Variants in VEGFC observed in about 807,000 individuals in gnomAD.
VEGFC encodes the protein FLT4 ligand DHM.
A neutral mutation model predicts 46.1 loss-of-function variants in VEGFC; 12 were observed. That is an observed-to-expected ratio of 0.26 (90% confidence interval 0.17 to 0.42). The LOEUF (loss-of-function observed/expected upper bound fraction) is 0.42. Among genes scored for constraint, VEGFC ranks in the 10% least tolerant of loss-of-function variants. The pLI is 1.00. For missense variants in VEGFC, 488 were observed against 529.4 expected, an observed-to-expected ratio of 0.92 and a Z score of 0.77; for synonymous variants, 232 against 195.5, an observed-to-expected ratio of 1.19 and a Z score of -1.56.
chr4:176,727,470 AAC>A (rs921678793), intron 3 of VEGFC, among the ~76,000 whole-genome samples: 2 of 152,100 alleles, frequency 1.3e-5, no homozygotes, highest in African/African-American at 2.4e-5. Context: ...CTTGAAGATC[AAC>A]ACACACACAT....
At chr4:176,770,128 A>T (rs1735698205) in intron 1 of VEGFC, among the ~76,000 whole-genome samples, 1 of 152,228 alleles carries the variant, frequency 6.6e-6, no homozygotes, top group South Asian at 2.1e-4. Context: ...TTGATTAAAT[A>T]TTTAAGCTTC....
chr4:176,759,605 C>CA (rs1735493001), intron 1 of VEGFC, among the ~76,000 whole-genome samples: 2 of 151,844 alleles, frequency 1.3e-5, no homozygotes, highest in Admixed American at 6.6e-5. Flanking sequence ...ATTCTCATCA[C>CA]AAAAAATGAT....
At chr4:176,765,141 C>T (rs576183639) in intron 1 of VEGFC, among the ~76,000 whole-genome samples, 2 of 151,632 alleles carry the variant, frequency 1.3e-5, no homozygotes, top group South Asian at 4.2e-4. Flanking sequence ...ATTTATTTTA[C>T]AAAACAGAAA....
Position 176,711,593 on chromosome 4 carries a change from C to A in VEGFC, c.610G>T (p.Ala204Ser), listed in dbSNP as rs748640295. The A allele has an allele frequency of 6.2e-7, 1 of 1,613,580 alleles. No individual in the cohort carries two copies. The highest frequency in any genetic ancestry group is 1.1e-5 in the South Asian group (1 of 91,036). Residue 204 changes from alanine to serine, a missense_variant, in exon 4 of 7, where the codon GCC becomes TCC. Transcript: ENST00000618562. ...ATGCATCGGCAGGAAGTGTGATTGG[C>A]AAAACTGATTGTTACTGGTTTGGGG... ...QGPKPVTISF[A>S]NHTSCRCMSK...
chr4:176,785,048 G>A (rs1735978911), intron 1 of VEGFC, among the ~76,000 whole-genome samples: 1 of 151,956 alleles, frequency 6.6e-6, no homozygotes, highest in South Asian at 2.1e-4. Context: ...AGAAATATTG[G>A]CAGTGAGTTC....
chr4:176,697,371 A>G (rs1158624092), intron 4 of VEGFC, among the ~76,000 whole-genome samples: 3 of 152,090 alleles, frequency 2.0e-5, no homozygotes, highest in South Asian at 4.1e-4. Context: ...GCAGCCAAAA[A>G]ACACATGAAA....
intron 1 of VEGFC, among the ~76,000 whole-genome samples, chr4:176,734,226 C>A (rs770171471): frequency 3.3e-5 from 5 of 151,632 alleles, no homozygotes; most frequent in Non-Finnish European, 4.4e-5. Context: ...TGTTTTTATA[C>A]ATAAACATAC....
intron 1 of VEGFC, among the ~76,000 whole-genome samples, chr4:176,733,898 T>G (rs1735007657): frequency 6.6e-6 from 1 of 151,888 alleles, no homozygotes; most frequent in South Asian, 2.1e-4. Context: ...TCTTGATTTC[T>G]CAGCAATCTA....
In VEGFC at chr4:176,784,067, T is replaced by TTTG. The variant is rs199956859; in HGVS notation, c.147+8097_147+8098insCAA. Among the ~76,000 whole-genome samples, 22 of 141,768 alleles carry TTTG rather than the reference T, an allele frequency of 1.6e-4. 5 individuals are homozygous for TTTG. The highest frequency in any genetic ancestry group is 2.0e-4 in the Non-Finnish European group (13 of 63,702). 93.0% of individuals were successfully genotyped at this position (141,768 alleles called of 152,430 possible). On this transcript the variant is annotated intron_variant, in intron 1 of 6. Transcript: ENST00000618562. ...CTTTATATGTATGCACATGCTGTTT[T>TTTG]TTTTTTTTTTTTTTTGAAACAGAGT...
intron 1 of VEGFC, among the ~76,000 whole-genome samples, chr4:176,774,573 C>G (rs1735782575): frequency 2.6e-5 from 4 of 151,938 alleles, no homozygotes; most frequent in South Asian, 2.1e-4. Flanking sequence ...AATATGAAAC[C>G]AAAAATTTAA....
chr4:176,698,352 G>C (rs1346190004), intron 4 of VEGFC, among the ~76,000 whole-genome samples: 1 of 151,698 alleles, frequency 6.6e-6, no homozygotes, highest in Non-Finnish European at 1.5e-5. Context: ...TCAGAACTGG[G>C]CTGAAATGTT....
intron 1 of VEGFC, among the ~76,000 whole-genome samples, chr4:176,740,519 A>G (rs1181755030): frequency 4.5e-5 from 1 of 22,082 alleles, no homozygotes; most frequent in Non-Finnish European, 1.1e-3. Context: ...CTATATATAG[A>G]GAGTATATAT....
intron 1 of VEGFC, among the ~76,000 whole-genome samples, chr4:176,775,695 G>T (rs1735803427): frequency 6.6e-6 from 1 of 152,170 alleles, no homozygotes; most frequent in African/African-American, 2.4e-5. Context: ...ACTCAAACTA[G>T]ATTTTTGAAT....
intron 1 of VEGFC, among the ~76,000 whole-genome samples, chr4:176,752,760 T>A (rs999780360): frequency 6.6e-6 from 1 of 152,052 alleles, no homozygotes; most frequent in African/African-American, 2.4e-5. Flanking sequence ...ATGTTAGAAT[T>A]AGAACTTGGC....
Position 176,792,083 on chromosome 4 carries a change from T to A in VEGFC, c.147+82A>T. ...GTACACAAGCTTAAAGCACACACACTTTCCCCCGCGCAGGTTCTCGGGTCC... is the reference window on the plus strand; with the variant it reads ...GTACACAAGCTTAAAGCACACACACATTCCCCCGCGCAGGTTCTCGGGTCC... On this transcript the variant is annotated intron_variant, in intron 1 of 6. Coordinates refer to ENST00000618562, the MANE Select transcript of VEGFC (RefSeq NM_005429.5). This position sits in a 1 kb window ranked among gnomAD's most constrained non-coding sequence, Gnocchi z 6.3. 1 of 1,398,076 alleles carries A rather than the reference T, an allele frequency of 7.2e-7. No individual in the cohort carries two copies. 86.6% of individuals were successfully genotyped at this position (1,398,076 alleles called of 1,614,324 possible).
intron 1 of VEGFC, among the ~76,000 whole-genome samples, chr4:176,786,584 T>C (rs1032989527): frequency 3.3e-5 from 5 of 152,242 alleles, no homozygotes; most frequent in African/African-American, 7.2e-5. Context: ...TCTGGATTTA[T>C]AGTTTAATTC....
chr4:176,744,910 C>T (rs1735236608), intron 1 of VEGFC, among the ~76,000 whole-genome samples: 1 of 152,046 alleles, frequency 6.6e-6, no homozygotes, highest in South Asian at 2.1e-4. Context: ...CACCATATTA[C>T]ATTATTTCTA....
chr4:176,692,666 TG>T (rs2110972984), intron 4 of VEGFC, among the ~76,000 whole-genome samples: 1 of 147,774 alleles, frequency 6.8e-6, no homozygotes, highest in East Asian at 1.9e-4. Context: ...GCTCCACCTC[TG>T]GGGGCAGGGC....
In VEGFC at chr4:176,687,291, G is replaced by A; in HGVS notation, c.1041C>T (p.Cys347=). The A allele has an allele frequency of 6.2e-7, 1 of 1,614,084 alleles. No homozygotes were observed. The highest frequency in any genetic ancestry group is 1.1e-5 in the South Asian group (1 of 91,082). Residue 347 remains cysteine (C), a synonymous_variant, in exon 6 of 7, where the codon TGC becomes TGT. Transcript: ENST00000618562. Reference sequence around the variant, plus strand: ...CAGGATTTAGGGGTTGATTTCTGGGGCAGGTTCTTTTACATACACACTGGC... The same window carrying A: ...CAGGATTTAGGGGTTGATTTCTGGGACAGGTTCTTTTACATACACACTGGC... ...NTCQCVCKRT[C]PRNQPLNPGK... is the part of the protein sequence containing the mutation.
Sources: allele counts gnomAD v4.1 joint callset (sites outside exome capture counted in the v4.1 genomes callset), GRCh38; gene constraint gnomAD v4.1.1; non-coding constraint Gnocchi (gnomAD v3.1); transcripts MANE v1.5; gene names NCBI Gene and HGNC (gene_info 2026-07-23, HGNC 2026-07-21).